CDON: variants seen among roughly 807,000 people sequenced by gnomAD.
The protein encoded by CDON is cell adhesion associated, oncogene regulated.
A neutral mutation model predicts 120.9 loss-of-function variants in CDON; 73 were observed. The ratio of observed to expected loss-of-function variants is 0.60; its 90% confidence interval spans 0.50 to 0.73. The LOEUF is 0.73. Among genes scored for constraint, CDON ranks in the 30% least tolerant of loss-of-function variants. The pLI, the probability that CDON is intolerant of heterozygous loss-of-function variation, is 0.00. For missense variants in CDON, 1,470 were observed against 1,587.3 expected, an observed-to-expected ratio of 0.93 and a Z score of 1.26; for synonymous variants, 566 against 573.5, an observed-to-expected ratio of 0.99 and a Z score of 0.19.
chr11:125,968,122 A>G (rs974048284), intron 18 of CDON, among the ~76,000 whole-genome samples: 2 of 152,214 alleles, frequency 1.3e-5, no homozygotes, highest in African/African-American at 4.8e-5. Context: ...GCATATACAC[A>G]TATTTGCCAG....
chr11:126,017,117 T>A lies in CDON; in HGVS notation c.899A>T (p.Lys300Ile), dbSNP rs775849561. Residue 300 changes from lysine (K) to isoleucine (I), a missense_variant, in exon 6 of 20, where the codon AAA becomes ATA. By Grantham distance (102) the Lys-to-Ile change is moderately radical. Coordinates refer to ENST00000531738, the MANE Select transcript of CDON (RefSeq NM_001378964.1). ...CMAGNKSGDVKYVTYMVNVLE... is the reference protein window; with the variant it reads ...CMAGNKSGDVIYVTYMVNVLE... ...TACATTAACCATGTAAGTCACATAT[T>A]TTACATCTCCAGACTTGTTTCCCGC... 1.5e-5 allele frequency: 25 copies of A among 1,614,126 alleles called. No homozygotes were observed. The South Asian group carries it at 2.6e-4, about 17-fold the overall frequency.
In CDON at chr11:125,971,409, AATAAT is replaced by A. The variant is rs1171382551; in HGVS notation, c.3356+6890_3356+6894del. 2.0e-3 allele frequency among the ~76,000 whole-genome samples: 299 copies of A among 150,256 alleles called. 1 individual carries two copies. Among genetic ancestry groups the A allele is most frequent in the African/African-American group, 6.1e-3 (250 of 40,974 alleles). On this transcript the variant is annotated intron_variant, in intron 18 of 19. Transcript: ENST00000531738. ...AAATAAATAAATAAATAAATAAATA[AATAAT>A]AATAATTAATGTTCTCATATTCATC...
intron 18 of CDON, among the ~76,000 whole-genome samples, chr11:125,971,186 A>AT (rs1168559630): frequency 3.9e-5 from 6 of 152,138 alleles, no homozygotes; most frequent in Non-Finnish European, 8.8e-5. Flanking sequence ...GACCAAGACC[A>AT]TCCTGGCTAA....
At chr11:126,004,914 A>G (rs1237229368) in intron 9 of CDON, among the ~76,000 whole-genome samples, 2 of 152,184 alleles carry the variant, frequency 1.3e-5, no homozygotes, top group Non-Finnish European at 2.9e-5. Context: ...ACACAAGCCC[A>G]TGGGGAAAAT....
chr11:125,972,426 C>T (rs1487064449), intron 18 of CDON, among the ~76,000 whole-genome samples: 1 of 150,676 alleles, frequency 6.6e-6, no homozygotes, highest in Non-Finnish European at 1.5e-5. Context: ...GACTCTGTCT[C>T]AAAAAAAACA....
chr11:126,016,961 T>C (rs1947485836), intron 6 of CDON, 127 bp downstream of exon 6: 3 of 766,672 alleles, frequency 3.9e-6, no homozygotes, highest in Middle Eastern at 3.8e-4. Flanking sequence ...ATGAAACTTG[T>C]TCTGGCTAGG....
At chr11:126,006,115 C>T in intron 8 of CDON, 58 bp from the exon 9 acceptor site, 1 of 1,550,166 alleles carries the variant, frequency 6.5e-7, no homozygotes, top group Non-Finnish European at 8.9e-7. Flanking sequence ...TTGTCTTCTA[C>T]CCAGTTTGTG....
At chr11:125,974,383 A>AGGGAG (rs1344921123) in intron 18 of CDON, among the ~76,000 whole-genome samples, 2 of 42,404 alleles carry the variant, frequency 4.7e-5, no homozygotes, top group African/African-American at 2.0e-4. Flanking sequence ...GAAGGAAGGA[A>AGGGAG]GGAAGGAAGG....
intron 1 of CDON, among the ~76,000 whole-genome samples, chr11:126,041,100 A>C (rs1948249947): frequency 6.6e-6 from 1 of 151,084 alleles, no homozygotes; most frequent in Non-Finnish European, 1.5e-5. Flanking sequence ...GAGGCAGGAG[A>C]ATCACTTGAA....
chr11:126,035,032 T>C (rs921287392), intron 1 of CDON, among the ~76,000 whole-genome samples: 8 of 152,226 alleles, frequency 5.3e-5, no homozygotes, highest in Non-Finnish European at 1.0e-4. Flanking sequence ...ATAATTAACG[T>C]AGTTGTTAAC....
chr11:126,052,002 A>G (rs1310521635), intron 1 of CDON, among the ~76,000 whole-genome samples: 1 of 152,160 alleles, frequency 6.6e-6, no homozygotes, highest in Admixed American at 6.5e-5. Context: ...AACACATAAC[A>G]TCAATTGTGT....
chr11:126,000,934 G>C (rs1946925766), intron 11 of CDON, among the ~76,000 whole-genome samples: 1 of 152,150 alleles, frequency 6.6e-6, no homozygotes, highest in Non-Finnish European at 1.5e-5. Flanking sequence ...TATAAGTGTA[G>C]TGCTCATATA....
chr11:126,026,243 A>G (rs1947789411), intron 1 of CDON, among the ~76,000 whole-genome samples: 1 of 152,212 alleles, frequency 6.6e-6, no homozygotes, highest in South Asian at 2.1e-4. Flanking sequence ...TCATATGTAT[A>G]ATTTTAAAAA....
At chr11:126,055,747 T>C (rs1336667996) in intron 1 of CDON, among the ~76,000 whole-genome samples, 3 of 152,212 alleles carry the variant, frequency 2.0e-5, no homozygotes, top group African/African-American at 4.8e-5. Context: ...TGTGTACCTA[T>C]ATAAAAAGGT....
chr11:126,032,136 C>T (rs1327727460), intron 1 of CDON, among the ~76,000 whole-genome samples: 1 of 151,974 alleles, frequency 6.6e-6, no homozygotes, highest in African/African-American at 2.4e-5. Context: ...GAGATTAAAG[C>T]AGTTACATGA....
At chr11:126,015,593 C>T in intron 6 of CDON, 83 bp from the exon 7 acceptor site, 1 of 1,395,742 alleles carries the variant, frequency 7.2e-7, no homozygotes, top group South Asian at 1.2e-5. Context: ...AATCTTCTCT[C>T]TACCAATAAC....
intron 18 of CDON, among the ~76,000 whole-genome samples, chr11:125,965,145 G>C (rs1338164260): frequency 6.6e-6 from 1 of 152,110 alleles, no homozygotes; most frequent in African/African-American, 2.4e-5. Context: ...TGCCCAGGCT[G>C]GTCTCAAACT....
At chr11:126,015,542 C>A in intron 6 of CDON, 32 bp from the exon 7 acceptor site, 1 of 1,608,796 alleles carries the variant, frequency 6.2e-7, no homozygotes. Flanking sequence ...TAAACTCTAG[C>A]CCTCAAAATG....
In CDON at chr11:126,021,483, A is replaced by T; in HGVS notation, c.114T>A (p.Ala38=). ...CTACAGGTCCACCAAGTTTCTGGAC[A>T]GCAGAGAGCGGCTCAGAAGTAAAAT... ...APYFTSEPLS[A]VQKLGGPVVL... The change falls in exon 3 of 20, where the codon GCT becomes GCA. Residue 38 remains alanine (A), a synonymous_variant. Transcript: ENST00000531738. The T allele has an allele frequency of 1.9e-6, 3 of 1,614,106 alleles. No individual in the cohort carries two copies. The highest frequency in any genetic ancestry group is 1.1e-5 in the South Asian group (1 of 91,066).
Sources: allele counts gnomAD v4.1 joint callset (sites outside exome capture counted in the v4.1 genomes callset), GRCh38; gene constraint gnomAD v4.1.1; transcripts MANE v1.5; gene names NCBI Gene and HGNC (gene_info 2026-07-23, HGNC 2026-07-21).